Variants in ST6GALNAC3 observed in about 807,000 individuals in gnomAD.
ST6GALNAC3 encodes ST6 N-acetylgalactosaminide alpha-2,6-sialyltransferase 3, also known as alpha-N-acetylgalactosaminide alpha-2,6-sialyltransferase 3.
A neutral mutation model predicts 32.7 loss-of-function variants in ST6GALNAC3; 25 were observed. The ratio of observed to expected loss-of-function variants is 0.76; its 90% CI spans 0.56 to 1.07. The LOEUF (loss-of-function observed/expected upper bound fraction) is 1.07, where lower values mean the gene tolerates loss of function less well. Ranked by LOEUF, ST6GALNAC3 falls within the 50% of genes least tolerant of loss-of-function variation. The pLI, the probability that ST6GALNAC3 is intolerant of heterozygous loss-of-function variation, is 0.00. For missense variants in ST6GALNAC3, 355 were observed against 382.4 expected (o/e 0.93, Z 0.60); for synonymous variants, 129 against 133.1 (o/e 0.97, Z 0.21).
At chr1:76,133,807 T>C (rs1483396147) in intron 1 of ST6GALNAC3, among the ~76,000 whole-genome samples, 1 of 152,160 alleles carries the variant, frequency 6.6e-6, no homozygotes, top group Non-Finnish European at 1.5e-5. Flanking sequence ...TCACTGCATC[T>C]TCTACAGGTT....
chr1:76,295,549 C>A (rs1660351431), intron 1 of ST6GALNAC3, among the ~76,000 whole-genome samples: 2 of 152,016 alleles, frequency 1.3e-5, no homozygotes. Context: ...GTGCTAGAGG[C>A]ATAATGTATG....
chr1:76,609,296 C>G (rs1488196955), intron 3 of ST6GALNAC3, among the ~76,000 whole-genome samples: 2 of 152,064 alleles, frequency 1.3e-5, no homozygotes, highest in Non-Finnish European at 2.9e-5. Flanking sequence ...AAAAAGATAA[C>G]AGTATACTCA....
intron 1 of ST6GALNAC3, among the ~76,000 whole-genome samples, chr1:76,269,621 G>A (rs1350550346): frequency 6.6e-6 from 1 of 152,186 alleles, no homozygotes; most frequent in East Asian, 1.9e-4. Context: ...CTGCTTTAAA[G>A]TTTCATTTGG....
At chr1:76,094,968 G>A (rs531696092) in intron 1 of ST6GALNAC3, among the ~76,000 whole-genome samples, 1 of 149,946 alleles carries the variant, frequency 6.7e-6, no homozygotes, top group Non-Finnish European at 1.5e-5. Flanking sequence ...CTTCCTCTTG[G>A]TACTGCTCTC....
chr1:76,419,944 C>CTTTTTT (rs66531652), intron 3 of ST6GALNAC3, among the ~76,000 whole-genome samples: 9 of 138,806 alleles, frequency 6.5e-5, no homozygotes, highest in African/African-American at 1.6e-4. Flanking sequence ...TTCTTTCTTT[C>CTTTTTT]TTTTTTTTTT....
At chr1:76,339,849 A>C (rs1038130935) in intron 2 of ST6GALNAC3, among the ~76,000 whole-genome samples, 3 of 152,206 alleles carry the variant, frequency 2.0e-5, no homozygotes, top group African/African-American at 7.2e-5. Context: ...GGGTAAGGCA[A>C]CCGGAGTCCA....
chr1:76,531,481 G>A (rs1431559482), intron 3 of ST6GALNAC3, among the ~76,000 whole-genome samples: 3 of 152,154 alleles, frequency 2.0e-5, no homozygotes, highest in African/African-American at 7.2e-5. Context: ...GGATTGGACT[G>A]CCTGGTTGTA....
intron 3 of ST6GALNAC3, among the ~76,000 whole-genome samples, chr1:76,446,488 A>T (rs965395891): frequency 6.6e-6 from 1 of 152,216 alleles, no homozygotes; most frequent in Admixed American, 6.5e-5. Context: ...CTGCCTATTC[A>T]GCCCTCCCTC....
chr1:76,154,182 T>C (rs1325534718), intron 1 of ST6GALNAC3, among the ~76,000 whole-genome samples: 2 of 151,206 alleles, frequency 1.3e-5, no homozygotes, highest in Admixed American at 6.6e-5. Context: ...ACCAAGATCA[T>C]GAGGAGGAGA....
In ST6GALNAC3 at chr1:76,604,645, T is replaced by C. The variant is rs1472473329; in HGVS notation, c.624-22807T>C. Reference sequence around the variant, plus strand: ...GATCTCTCTATTCAGACCTCACTTTTCCAGACTCATACTCTAAATTCATAT... The same window carrying C: ...GATCTCTCTATTCAGACCTCACTTTCCCAGACTCATACTCTAAATTCATAT... On this transcript the variant is annotated intron_variant, in intron 3 of 4. Transcript: ENST00000328299. Among the ~76,000 whole-genome samples the C allele has an allele frequency of 2.6e-5, 4 of 152,310 alleles. No individual in the cohort carries two copies. In the East Asian group the frequency reaches 7.7e-4, roughly 29 times the overall value.
intron 1 of ST6GALNAC3, among the ~76,000 whole-genome samples, chr1:76,114,980 C>A (rs1648361657): frequency 6.6e-6 from 1 of 151,188 alleles, no homozygotes; most frequent in Non-Finnish European, 1.5e-5. Flanking sequence ...TCTAAGTGCT[C>A]GATTGTAGAG....
At chr1:76,108,157 C>T (rs761791670) in intron 1 of ST6GALNAC3, among the ~76,000 whole-genome samples, 1 of 152,170 alleles carries the variant, frequency 6.6e-6, no homozygotes, top group Non-Finnish European at 1.5e-5. Context: ...GAAATCACCT[C>T]TAAAGAAGAG....
At chr1:76,446,629 A>G (rs1306964405) in intron 3 of ST6GALNAC3, among the ~76,000 whole-genome samples, 3 of 152,034 alleles carry the variant, frequency 2.0e-5, no homozygotes, top group Non-Finnish European at 4.4e-5. Flanking sequence ...TTGAATTCCC[A>G]CATGTTGTGG....
chr1:76,228,476 T>C (rs990516258), intron 1 of ST6GALNAC3, among the ~76,000 whole-genome samples: 2 of 152,186 alleles, frequency 1.3e-5, no homozygotes, highest in African/African-American at 4.8e-5. Context: ...GGGCAAACCA[T>C]GTGAAGCCCC....
At chr1:76,550,567 G>A (rs1664560670) in intron 3 of ST6GALNAC3, among the ~76,000 whole-genome samples, 4 of 152,042 alleles carry the variant, frequency 2.6e-5, no homozygotes, top group Admixed American at 2.6e-4. Context: ...TATTGCATAG[G>A]GTTAGGTGTA....
intron 3 of ST6GALNAC3, among the ~76,000 whole-genome samples, chr1:76,471,333 A>C (rs1334981360): frequency 1.3e-5 from 2 of 152,106 alleles, no homozygotes; most frequent in Admixed American, 1.3e-4. Context: ...ATCTTAAAGC[A>C]CTTACTGTTT....
intron 3 of ST6GALNAC3, among the ~76,000 whole-genome samples, chr1:76,486,265 T>G (rs555295158): frequency 6.6e-6 from 1 of 151,844 alleles, no homozygotes; most frequent in East Asian, 1.9e-4. Flanking sequence ...CTGAGTTCAA[T>G]TCCTGGATAT....
intron 2 of ST6GALNAC3, among the ~76,000 whole-genome samples, chr1:76,393,173 C>T (rs1216914785): frequency 3.9e-5 from 6 of 152,120 alleles, no homozygotes; most frequent in Admixed American, 3.9e-4. Flanking sequence ...GTAAACTATT[C>T]TTTATTTCTA....
intron 2 of ST6GALNAC3, among the ~76,000 whole-genome samples, chr1:76,373,905 C>A (rs1046956845): frequency 6.6e-6 from 1 of 152,106 alleles, no homozygotes. Context: ...CCCCTTCCCA[C>A]CCCCACCATT....
Sources: allele counts gnomAD v4.1 joint callset (sites outside exome capture counted in the v4.1 genomes callset), GRCh38; gene constraint gnomAD v4.1.1; transcripts MANE v1.5; gene names NCBI Gene and HGNC (gene_info 2026-07-23, HGNC 2026-07-21).